The following SLC30A5 variants were observed in gnomAD, a reference collection of about 807,000 sequenced individuals.
The protein encoded by SLC30A5 is solute carrier family 30 member 5.
In SLC30A5, 33 loss-of-function variants were observed where a neutral mutation model predicts 79.6. The observed-to-expected ratio is 0.41, with a 90% CI of 0.31 to 0.55. The LOEUF (loss-of-function observed/expected upper bound fraction) is 0.55, where lower values mean the gene tolerates loss of function less well. Ranked by LOEUF, SLC30A5 falls within the 20% of genes least tolerant of loss-of-function variation. The pLI, the probability that SLC30A5 is intolerant of heterozygous loss-of-function variation, is 0.20. For synonymous variants in SLC30A5, 299 were observed against 319.7 expected (o/e 0.94, Z 0.69); for missense variants, 788 against 928.1 (o/e 0.85, Z 1.96).
intron 14 of SLC30A5, among the ~76,000 whole-genome samples, chr5:69,127,259 T>C (rs1746722835): frequency 6.6e-6 from 1 of 152,132 alleles, no homozygotes; most frequent in East Asian, 1.9e-4. Flanking sequence ...TAGGTCATGA[T>C]TAGAATAGGC....
chr5:69,095,196 C>CTTTTTT (rs371189827), intron 1 of SLC30A5, among the ~76,000 whole-genome samples: 100 of 112,294 alleles, frequency 8.9e-4, no homozygotes, highest in Non-Finnish European at 1.5e-3. Flanking sequence ...TATAACGTAA[C>CTTTTTT]TTTTTTTTTT....
chr5:69,115,479 C>G, intron 8 of SLC30A5, 72 bp downstream of exon 8: 1 of 1,190,808 alleles, frequency 8.4e-7, no homozygotes, highest in Non-Finnish European at 1.2e-6. Flanking sequence ...TTTTAGTTCA[C>G]TGTATTCAAT....
Position 69,123,178 on chromosome 5 carries a change from CCTT to C in SLC30A5, c.1772-20_1772-18del. The C allele has an allele frequency of 1.3e-6, 2 of 1,529,800 alleles. No individual in the cohort carries two copies. Among genetic ancestry groups the C allele is most frequent in the Non-Finnish European group, 1.8e-6 (2 of 1,120,450 alleles). The allele number at this position is 1,529,800 out of a possible 1,614,324, so 94.8% of individuals were successfully genotyped here. ...TTAGATGTGCCTTAATTTTTAATGTCCTTATATATTTTATTTGTAGGTGTATTT... is the reference window on the plus strand; with the variant it reads ...TTAGATGTGCCTTAATTTTTAATGTCATATATTTTATTTGTAGGTGTATTT... On this transcript the variant is annotated intron_variant, in intron 13 of 15. Transcript: ENST00000396591.
Position 69,117,365 on chromosome 5 carries a change from A to G in SLC30A5, c.1408A>G (p.Arg470Gly), listed in dbSNP as rs764315153. Residue 470 changes from arginine (R) to glycine (G), a missense_variant, in exon 11 of 16, where the codon AGG becomes GGG. By Grantham distance (125) the Arg-to-Gly change is moderately radical (BLOSUM62 -2). Around this residue, in one of 3 missense-constraint regions of SLC30A5, gnomAD observed 626 missense variants for 755.5 expected, o/e 0.83. Transcript: ENST00000396591. ...GGGACTTTTTGCTGCCCTGATGAGT[A>G]GGTGGAAAGCCACTCGGATTTTCTC... ...VMGLFAALMS[R>G]WKATRIFSYG... is the part of the protein sequence containing the mutation. The G allele has an allele frequency of 1.2e-6, 2 of 1,614,052 alleles. No homozygotes were observed. The highest frequency in any genetic ancestry group is 2.2e-5 in the South Asian group (2 of 91,074).
At chr5:69,117,706 G>T (rs1172289790) in intron 11 of SLC30A5, among the ~76,000 whole-genome samples, 1 of 151,464 alleles carries the variant, frequency 6.6e-6, no homozygotes, top group African/African-American at 2.4e-5. Context: ...GTGAAACCTC[G>T]TCTCTACTAA....
Position 69,130,851 on chromosome 5 carries a change from T to A in SLC30A5, c.*1234T>A, listed in dbSNP as rs577623127. 6.6e-6 allele frequency: 1 copy of A among 152,292 alleles called. No homozygotes were observed. Among genetic ancestry groups the A allele is most frequent in the Admixed American group, 6.5e-5 (1 of 15,300 alleles). 9.4% of individuals were successfully genotyped at this position (152,292 alleles called of 1,614,324 possible). A position where few individuals can be genotyped will look rare whatever the true frequency, so the allele number is the denominator to read the frequency against. ...CATCTGAATATTTTCATTCTTATAT[T>A]AAGAATTTTGATAAGTAGATTGAAT... On this transcript the variant is annotated 3_prime_UTR_variant, in exon 16 of 16. Coordinates refer to ENST00000396591, the MANE Select transcript of SLC30A5 (RefSeq NM_022902.5).
At chr5:69,129,087 C>T (rs533716606) in intron 15 of SLC30A5, among the ~76,000 whole-genome samples, 3 of 152,192 alleles carry the variant, frequency 2.0e-5, no homozygotes, top group Non-Finnish European at 4.4e-5. Context: ...CCTCAGCCTC[C>T]CTGGGCCACT....
chr5:69,099,494 T>A (rs770931543), intron 1 of SLC30A5, among the ~76,000 whole-genome samples: 21 of 152,202 alleles, frequency 1.4e-4, no homozygotes, highest in Non-Finnish European at 2.9e-4. Context: ...GTGACTCCTA[T>A]AGTGGTTGAG....
chr5:69,119,980 A>G (rs1335156356), intron 12 of SLC30A5, among the ~76,000 whole-genome samples: 1 of 144,468 alleles, frequency 6.9e-6, no homozygotes, highest in African/African-American at 2.6e-5. Flanking sequence ...GGTTGCACCA[A>G]CTGTACTCCA....
At chr5:69,105,820 C>T (rs1482540119) in intron 4 of SLC30A5, among the ~76,000 whole-genome samples, 1 of 152,210 alleles carries the variant, frequency 6.6e-6, no homozygotes, top group Admixed American at 6.5e-5. Context: ...TCAGCAATGG[C>T]ATTAGATTCT....
chr5:69,116,004 G>A lies in SLC30A5; in HGVS notation c.862G>A (p.Val288Met), dbSNP rs371041170. 1.5e-5 allele frequency: 24 copies of A among 1,613,680 alleles called. 1 individual carries two copies. The highest frequency in any genetic ancestry group is 1.6e-4 in the Middle Eastern group (1 of 6,082). The part of the protein sequence containing the change: ...IFFVMILDFY[V>M]DSICSVKMEV... ...TTTTGTCATGATCCTGGATTTCTAC[G>A]TGGATTCCATTTGTTCAGTCAAAAT... Residue 288 changes from valine to methionine, a missense_variant, in exon 9 of 16, where the codon GTG (valine) becomes ATG (methionine). Around this residue, in one of 3 missense-constraint regions of SLC30A5, gnomAD observed 626 missense variants for 755.5 expected, o/e 0.83. Coordinates refer to ENST00000396591, the MANE Select transcript of SLC30A5 (RefSeq NM_022902.5). The surrounding 1 kb of genome is among the most constrained non-coding windows in gnomAD (Gnocchi z 4.0).
Position 69,110,997 on chromosome 5 carries a change from C to CT in SLC30A5, c.448-2129dup, listed in dbSNP as rs565058785. On this transcript the variant is annotated intron_variant, in intron 5 of 15. Transcript: ENST00000396591. ...GTCCAGGACTTGATGATTGTTTTTTCTTTTTTTTTTTTTTGAGATGGAGTC... is the reference window on the plus strand; with the variant it reads ...GTCCAGGACTTGATGATTGTTTTTTCTTTTTTTTTTTTTTTGAGATGGAGTC... Among the ~76,000 whole-genome samples, 946 of 142,774 alleles carry CT rather than the reference C, an allele frequency of 6.6e-3. 6 individuals are homozygous for CT. The highest frequency in any genetic ancestry group is 0.04 in the Middle Eastern group (11 of 272). The allele number at this position is 142,774 out of a possible 152,430, so 93.7% of individuals were successfully genotyped here.
chr5:69,104,136 T>A, intron 3 of SLC30A5: 1 of 1,363,776 alleles, frequency 7.3e-7, no homozygotes, highest in Non-Finnish European at 9.7e-7. Context: ...ACTGTCCTTT[T>A]TTTTTTTCTT....
intron 1 of SLC30A5, among the ~76,000 whole-genome samples, chr5:69,095,952 C>G (rs1370946041): frequency 6.6e-6 from 1 of 151,956 alleles, no homozygotes; most frequent in Non-Finnish European, 1.5e-5. Context: ...GCCTGTAATC[C>G]CAGCCACTCA....
rs751085602 is a variant in SLC30A5, at chr5:69,118,588, G to C, written c.1529G>C (p.Arg510Thr). Residue 510 changes from arginine to threonine, a missense_variant, in exon 12 of 16, where the codon AGA (arginine) becomes ACA (threonine). Coordinates refer to ENST00000396591, the MANE Select transcript of SLC30A5 (RefSeq NM_022902.5). ...AFFVFMESVA[R>T]LIDPPELDTH... ...TTTGTGTTTATGGAGTCAGTGGCTA[G>C]ATTGATTGATCCTCCAGAATTAGAC... 4.4e-6 allele frequency: 7 copies of C among 1,598,350 alleles called. No individual in the cohort carries two copies. In the Admixed American group the frequency reaches 1.2e-4, roughly 28 times the overall value.
Position 69,116,297 on chromosome 5 carries a change from A to G in SLC30A5, c.1072+83A>G, listed in dbSNP as rs768503959. ...TCACATCATTTACTTATTTTGGGAA[A>G]TTCTTCAGTGCTTGCATTTAGTGCC... On this transcript the variant is annotated intron_variant, in intron 9 of 15. Transcript: ENST00000396591. The surrounding 1 kb of genome is among the most constrained non-coding windows in gnomAD (Gnocchi z 4.0). The G allele has an allele frequency of 2.7e-6, 4 of 1,502,760 alleles. No homozygotes were observed. The highest frequency in any genetic ancestry group is 3.6e-6 in the Non-Finnish European group (4 of 1,121,256). 93.1% of individuals were successfully genotyped at this position (1,502,760 alleles called of 1,614,324 possible).
rs1746802183 is a variant in SLC30A5 at position 69,129,752 on chromosome 5, T to C, written c.*135T>C. On this transcript the variant is annotated 3_prime_UTR_variant, in exon 16 of 16. Transcript: ENST00000396591. ...TTCCCTACTACTGGATCAAGGAATC[T>C]TTCTTGAAGGAAATTTAAATACAGA... is the stretch of plus-strand genomic sequence containing the variant. 2 of 643,384 alleles carry C rather than the reference T, an allele frequency of 3.1e-6. No homozygotes were observed. Among genetic ancestry groups the C allele is most frequent in the African/African-American group, 3.7e-5 (2 of 54,588 alleles). 39.9% of individuals were successfully genotyped at this position (643,384 alleles called of 1,614,324 possible).
intron 1 of SLC30A5, among the ~76,000 whole-genome samples, chr5:69,100,569 G>A (rs761066428): frequency 4.1e-5 from 6 of 147,592 alleles, no homozygotes; most frequent in African/African-American, 5.1e-5. Flanking sequence ...AAAGGAGTTC[G>A]AGACCAGCCT....
chr5:69,127,910 GA>G, intron 14 of SLC30A5, 93 bp from the exon 15 acceptor site: 1 of 1,058,786 alleles, frequency 9.4e-7, no homozygotes, highest in Non-Finnish European at 1.4e-6. Context: ...CTGGACCAAG[GA>G]ATCTGTGTGT....
Sources: gnomAD v4.1 joint callset for allele counts (sites outside exome capture counted in the v4.1 genomes callset) on GRCh38, gnomAD v4.1.1 for gene constraint, gnomAD v4.1.1 regional missense constraint, Gnocchi (gnomAD v3.1) non-coding constraint, MANE v1.5 for transcripts, NCBI Gene and HGNC (gene_info 2026-07-23, HGNC 2026-07-21) for gene names.